TRPC4: variants seen among roughly 807,000 people sequenced by gnomAD.
TRPC4 encodes the protein short transient receptor potential channel 4.
In TRPC4, 49 loss-of-function variants were observed where a neutral mutation model predicts 99.4. That is an observed-to-expected ratio of 0.49 (90% CI 0.39 to 0.63). TRPC4 has a LOEUF of 0.63. Among genes scored for constraint, TRPC4 ranks in the 20% least tolerant of loss-of-function variants. TRPC4 has a pLI of 0.00. For synonymous variants in TRPC4, 454 were observed against 425.9 expected (o/e 1.07, Z -0.81); for missense variants, 898 against 1,152.9 (o/e 0.78, Z 3.20).
At position 37,636,978 on chromosome 13, in the gene TRPC4, C is replaced by G. The variant is rs765955192; in HGVS notation, c.2859G>C (p.Glu953Asp). Residue 953 changes from glutamate to aspartate, a missense_variant, in exon 11 of 11, where the codon GAG becomes GAC. Physicochemically the swap from Glu to Asp is conservative, Grantham distance 45. Transcript: ENST00000379705. The part of the protein sequence containing the change: ...IIPKEKHAKE[E>D]DSSIDYDLNL... ...TTAGATCATAGTCTATACTAGAGTC[C>G]TCTTCTTTTGCATGTTTCTCCTTTG... 6.2e-7 allele frequency: 1 copy of G among 1,613,680 alleles called. No individual in the cohort carries two copies. The highest frequency in any genetic ancestry group is 2.2e-5 in the East Asian group (1 of 44,866).
intron 3 of TRPC4, among the ~76,000 whole-genome samples, chr13:37,740,334 ATTTG>A (rs1237860485): frequency 1.4e-5 from 2 of 139,936 alleles, no homozygotes; most frequent in Non-Finnish European, 2.9e-5. Flanking sequence ...GGTGTTTTTA[ATTTG>A]TTTGTTGATT....
chr13:37,822,589 A>C (rs1432566108), intron 1 of TRPC4, among the ~76,000 whole-genome samples: 10 of 151,722 alleles, frequency 6.6e-5, no homozygotes, highest in Non-Finnish European at 1.2e-4. Flanking sequence ...GTCCCTACAA[A>C]GGACATGAAC....
Position 37,739,993 on chromosome 13 carries a change from C to T in TRPC4, c.897+5944G>A, listed in dbSNP as rs1006128743. Among the ~76,000 whole-genome samples, 15 of 152,234 alleles carry T rather than the reference C, an allele frequency of 9.9e-5. No individual in the cohort carries two copies. The South Asian group carries it at 2.9e-3, about 29-fold the overall frequency. On this transcript the variant is annotated intron_variant, in intron 3 of 10. Coordinates refer to ENST00000379705, the MANE Select transcript of TRPC4 (RefSeq NM_016179.4). ...AAGACAGTCAGTGGTTAACAATGGT[C>T]AGCTATGCCGTCAAATTTGTAGCAA... is the stretch of plus-strand genomic sequence containing the variant.
chr13:37,650,561 C>G (rs1394422467), intron 8 of TRPC4, among the ~76,000 whole-genome samples: 1 of 151,402 alleles, frequency 6.6e-6, no homozygotes, highest in Non-Finnish European at 1.5e-5. Context: ...CGCCCCCTCA[C>G]CTTTCTCTCT....
chr13:37,779,376 C>T (rs950312371), intron 2 of TRPC4, among the ~76,000 whole-genome samples: 10 of 151,596 alleles, frequency 6.6e-5, no homozygotes, highest in Non-Finnish European at 1.2e-4. Flanking sequence ...CAGAGGCTCT[C>T]TGTGCTGTCT....
At chr13:37,830,501 G>T in intron 1 of TRPC4, among the ~76,000 whole-genome samples, 1 of 151,758 alleles carries the variant, frequency 6.6e-6, no homozygotes. Flanking sequence ...CTAAGGTCAG[G>T]AGTTCAATCA....
chr13:37,822,778 A>G (rs965504127), intron 1 of TRPC4, among the ~76,000 whole-genome samples: 6 of 152,176 alleles, frequency 3.9e-5, no homozygotes, highest in Non-Finnish European at 7.3e-5. Context: ...TACTTTGGGT[A>G]TATACCCAGT....
At chr13:37,771,497 C>T (rs915724862) in intron 2 of TRPC4, among the ~76,000 whole-genome samples, 1 of 151,322 alleles carries the variant, frequency 6.6e-6, no homozygotes, top group Non-Finnish European at 1.5e-5. Flanking sequence ...AAGAAACTAT[C>T]TATGATTTTA....
At chr13:37,846,662 A>G (rs1161823681) in intron 1 of TRPC4, among the ~76,000 whole-genome samples, 2 of 151,862 alleles carry the variant, frequency 1.3e-5, no homozygotes, top group African/African-American at 4.8e-5. Flanking sequence ...AAAAACATAT[A>G]AAATAATCAA....
intron 1 of TRPC4, among the ~76,000 whole-genome samples, chr13:37,862,880 CA>C (rs1464220534): frequency 6.6e-6 from 1 of 151,320 alleles, no homozygotes; most frequent in Non-Finnish European, 1.5e-5. Flanking sequence ...TCACGCATCA[CA>C]TAACAACATT....
At chr13:37,713,424 G>A (rs1000184019) in intron 3 of TRPC4, among the ~76,000 whole-genome samples, 22 of 152,236 alleles carry the variant, frequency 1.4e-4, no homozygotes, top group African/African-American at 5.3e-4. Context: ...CAGTTATAAA[G>A]TACTGGCTCT....
chr13:37,773,438 T>C (rs937389907), intron 2 of TRPC4, among the ~76,000 whole-genome samples: 2 of 151,838 alleles, frequency 1.3e-5, no homozygotes, highest in East Asian at 3.9e-4. Flanking sequence ...CTCATGCACA[T>C]GCATTTATTC....
intron 3 of TRPC4, among the ~76,000 whole-genome samples, chr13:37,726,495 C>A (rs1234103467): frequency 6.6e-6 from 1 of 151,760 alleles, no homozygotes; most frequent in South Asian, 2.1e-4. Flanking sequence ...ATGGAATATA[C>A]ACAAAAGAAA....
At chr13:37,734,088 C>T (rs188252198) in intron 3 of TRPC4, among the ~76,000 whole-genome samples, 2 of 152,208 alleles carry the variant, frequency 1.3e-5, no homozygotes, top group East Asian at 1.9e-4. Context: ...CTGAATGTGC[C>T]TCCATGTTCC....
intron 3 of TRPC4, among the ~76,000 whole-genome samples, chr13:37,696,935 A>C (rs1298600171): frequency 7.4e-6 from 1 of 134,986 alleles, no homozygotes; most frequent in Non-Finnish European, 1.6e-5. Flanking sequence ...TTTTTTTTTA[A>C]ATCTTTTATT....
chr13:37,692,345 A>C lies in TRPC4; in HGVS notation c.898-10T>G. ...TGGGCTGGGCAACAAACTAAACAGA[A>C]GGGAAAGGAAAAGGAAAAATAAGTC... On this transcript the variant is annotated splice_polypyrimidine_tract_variant and intron_variant, in intron 3 of 10. Transcript: ENST00000379705. The C allele has an allele frequency of 1.2e-6, 2 of 1,603,680 alleles. No individual in the cohort carries two copies. Among genetic ancestry groups the C allele is most frequent in the South Asian group, 2.2e-5 (2 of 90,192 alleles).
At chr13:37,687,636 T>G (rs997325619) in intron 4 of TRPC4, among the ~76,000 whole-genome samples, 1 of 152,234 alleles carries the variant, frequency 6.6e-6, no homozygotes, top group Non-Finnish European at 1.5e-5. Flanking sequence ...TAAAAATAAA[T>G]TTATCATATT....
intron 1 of TRPC4, among the ~76,000 whole-genome samples, chr13:37,822,745 CT>C (rs533179508): frequency 0.013 from 1,967 of 152,192 alleles, 41 homozygotes; most frequent in African/African-American, 0.045. Context: ...GTGCATGTGT[CT>C]TTATAGCAGC....
At chr13:37,858,766 T>C (rs1959195207) in intron 1 of TRPC4, among the ~76,000 whole-genome samples, 1 of 151,508 alleles carries the variant, frequency 6.6e-6, no homozygotes, top group Non-Finnish European at 1.5e-5. Flanking sequence ...AGTAGAAGGA[T>C]GATTACCAGA....
Sources: gnomAD v4.1 joint callset for allele counts (sites outside exome capture counted in the v4.1 genomes callset) on GRCh38, gnomAD v4.1.1 for gene constraint, MANE v1.5 for transcripts, NCBI Gene and HGNC (gene_info 2026-07-23, HGNC 2026-07-21) for gene names.